Variants in RBFOX1 observed in about 807,000 individuals in gnomAD.
RBFOX1 encodes the protein RNA binding protein fox-1 homolog 1.
In RBFOX1, 8 loss-of-function variants were observed where a neutral mutation model predicts 57.7. That is an observed-to-expected ratio of 0.14 (90% confidence interval 0.08 to 0.25). RBFOX1 has a LOEUF of 0.25. Among genes scored for constraint, RBFOX1 ranks in the 10% least tolerant of loss-of-function variants. The pLI is 1.00. For synonymous variants in RBFOX1, 326 were observed against 222.4 expected, an observed-to-expected ratio of 1.47 and a Z score of -4.15; for missense variants, 611 against 548.5, an observed-to-expected ratio of 1.11 and a Z score of -1.14.
intron 14 of RBFOX1, among the ~76,000 whole-genome samples, chr16:7,698,195 T>G (rs1033278753): frequency 2.9e-5 from 4 of 138,708 alleles, no homozygotes; most frequent in African/African-American, 5.7e-5. Flanking sequence ...TGTGTGTGTG[T>G]GTGTGTGTGT....
At chr16:6,387,765 C>G (rs1276118244) in intron 2 of RBFOX1, among the ~76,000 whole-genome samples, 1 of 152,088 alleles carries the variant, frequency 6.6e-6, no homozygotes, top group Non-Finnish European at 1.5e-5. Flanking sequence ...CCCTACTTCT[C>G]TAAGAGTGTC....
At chr16:7,379,958 A>T (rs2097759336) in intron 4 of RBFOX1, among the ~76,000 whole-genome samples, 1 of 152,106 alleles carries the variant, frequency 6.6e-6, no homozygotes. Flanking sequence ...GGGTTCAAGC[A>T]CAATCCTCCT....
chr16:7,282,298 C>T (rs1365541296), intron 4 of RBFOX1, among the ~76,000 whole-genome samples: 1 of 152,168 alleles, frequency 6.6e-6, no homozygotes, highest in African/African-American at 2.4e-5. Flanking sequence ...TTCATTTATT[C>T]CTGGATGCCA....
chr16:6,904,003 AC>A (rs1417896249), intron 3 of RBFOX1, among the ~76,000 whole-genome samples: 1 of 152,168 alleles, frequency 6.6e-6, no homozygotes, highest in Non-Finnish European at 1.5e-5. Flanking sequence ...CCACGTGGTC[AC>A]AAAACACAGC....
At chr16:5,470,897 G>T (rs936315038) in intron 2 of RBFOX1, among the ~76,000 whole-genome samples, 2 of 152,096 alleles carry the variant, frequency 1.3e-5, no homozygotes, top group Admixed American at 1.3e-4. Flanking sequence ...CGTCACCCAG[G>T]CTGGAGTACA....
At chr16:6,531,508 A>AT (rs1567578391) in intron 2 of RBFOX1, among the ~76,000 whole-genome samples, 1 of 152,158 alleles carries the variant, frequency 6.6e-6, no homozygotes, top group Non-Finnish European at 1.5e-5. Flanking sequence ...ATGGTGAAAT[A>AT]TTTTTACTTT....
At chr16:7,062,564 C>T (rs1170197210) in intron 4 of RBFOX1, among the ~76,000 whole-genome samples, 1 of 152,068 alleles carries the variant, frequency 6.6e-6, no homozygotes, top group East Asian at 1.9e-4. Flanking sequence ...GTTAAATTTC[C>T]TCTTTCACGT....
At chr16:6,982,162 G>T (rs1010698512) in intron 3 of RBFOX1, among the ~76,000 whole-genome samples, 7 of 152,186 alleles carry the variant, frequency 4.6e-5, no homozygotes, top group Admixed American at 3.9e-4. Context: ...TATGGTATTG[G>T]ATTGTGTATT....
At chr16:7,390,845 G>A (rs977776144) in intron 4 of RBFOX1, among the ~76,000 whole-genome samples, 2 of 152,136 alleles carry the variant, frequency 1.3e-5, no homozygotes, top group Non-Finnish European at 2.9e-5. Flanking sequence ...CGAGTTGTTT[G>A]CTGTGATTTG....
At chr16:5,885,947 G>C (rs1013271158) in intron 4 of RBFOX1, among the ~76,000 whole-genome samples, 1 of 152,086 alleles carries the variant, frequency 6.6e-6, no homozygotes, top group African/African-American at 2.4e-5. Context: ...GAGGTGATTG[G>C]GTTATGTGGG....
At chr16:5,682,428 G>A (rs1353444044) in intron 3 of RBFOX1, among the ~76,000 whole-genome samples, 1 of 152,184 alleles carries the variant, frequency 6.6e-6, no homozygotes, top group East Asian at 1.9e-4. Context: ...CAATTTATCA[G>A]GTGGTGCTAG....
In RBFOX1 at chr16:7,355,542, A is replaced by G. The variant is rs984117510; in HGVS notation, c.28-162605A>G. Reference sequence around the variant, plus strand: ...GGACACCATGCACGTGTGTTAAGCAAGTGGGATCTCATCACCCACATGATT... The same window carrying G: ...GGACACCATGCACGTGTGTTAAGCAGGTGGGATCTCATCACCCACATGATT... On this transcript the variant is annotated intron_variant, in intron 4 of 15. Transcript: ENST00000550418. Among the ~76,000 whole-genome samples, 14 of 152,154 alleles carry G rather than the reference A, an allele frequency of 9.2e-5. No homozygotes were observed. The East Asian group carries it at 2.7e-3, about 29-fold the overall frequency.
At chr16:6,759,334 A>C (rs2154197361) in intron 3 of RBFOX1, among the ~76,000 whole-genome samples, 1 of 152,182 alleles carries the variant, frequency 6.6e-6, no homozygotes, top group South Asian at 2.1e-4. Flanking sequence ...TATTTTTAGT[A>C]GAGACAGTGT....
Position 6,886,638 on chromosome 16 carries a change from C to G in RBFOX1, c.-15-165419C>G, listed in dbSNP as rs371069556. 6.7e-4 allele frequency among the ~76,000 whole-genome samples: 101 copies of G among 151,812 alleles called. 1 individual carries two copies. The highest frequency in any genetic ancestry group is 2.2e-3 in the African/African-American group (92 of 41,398). On this transcript the variant is annotated intron_variant, in intron 3 of 15. Transcript: ENST00000550418. The stretch of plus-strand genomic sequence containing the variant: ...GGCGTGGTGGTGCTCACCTGTAATC[C>G]TAGCTGCTCAGGAGGCTGAGGCACA...
rs569866759 is a variant in RBFOX1, at chr16:7,596,676, G to C, written c.562-695G>C. Among the ~76,000 whole-genome samples, 49 of 152,224 alleles carry C rather than the reference G, an allele frequency of 3.2e-4. No homozygotes were observed. In the South Asian group the frequency reaches 3.5e-3, roughly 11 times the overall value. On this transcript the variant is annotated intron_variant, in intron 8 of 15. Transcript: ENST00000550418. The stretch of plus-strand genomic sequence containing the variant: ...TTTGGATATTGGTACGCCTGTAATT[G>C]AGTGTACGTTCTAAGCTAGCCTGGG...
intron 2 of RBFOX1, among the ~76,000 whole-genome samples, chr16:6,628,754 C>G (rs1050070201): frequency 1.3e-5 from 2 of 152,130 alleles, no homozygotes; most frequent in African/African-American, 4.8e-5. Flanking sequence ...TTTTGTAACA[C>G]GAAGCTCTGT....
At chr16:7,565,122 G>A (rs2152712203) in intron 5 of RBFOX1, among the ~76,000 whole-genome samples, 1 of 152,268 alleles carries the variant, frequency 6.6e-6, no homozygotes, top group South Asian at 2.1e-4. Context: ...GACCCGAAGT[G>A]TGGGTTTTAG....
intron 2 of RBFOX1, among the ~76,000 whole-genome samples, chr16:6,504,988 G>A (rs141081452): frequency 0.01 from 1,577 of 152,190 alleles, 20 homozygotes; most frequent in African/African-American, 0.027. Context: ...CAAGAGAATC[G>A]CTTGAACCCA....
chr16:6,767,981 A>G (rs1448286474), intron 3 of RBFOX1, among the ~76,000 whole-genome samples: 1 of 149,800 alleles, frequency 6.7e-6, no homozygotes, highest in Non-Finnish European at 1.5e-5. Flanking sequence ...GAAGAAGAAG[A>G]AGAAGAAATT....
Sources: gnomAD v4.1 joint callset for allele counts (sites outside exome capture counted in the v4.1 genomes callset) on GRCh38, gnomAD v4.1.1 for gene constraint, MANE v1.5 for transcripts, NCBI Gene and HGNC (gene_info 2026-07-23, HGNC 2026-07-21) for gene names.